LCA5: variants seen among roughly 807,000 people sequenced by gnomAD.
LCA5 encodes the protein lebercilin.
Under a neutral mutation model 53.0 loss-of-function variants are expected in LCA5, and 37 were observed. That is an observed-to-expected ratio of 0.70 (90% CI 0.54 to 0.92). The LOEUF (loss-of-function observed/expected upper bound fraction) is 0.92. LCA5 is among the 40% of genes least tolerant of loss of function. The pLI is 0.00. For missense variants in LCA5, 806 were observed against 790.5 expected (o/e 1.02, Z -0.23); for synonymous variants, 303 against 282.9 (o/e 1.07, Z -0.71).
intron 3 of LCA5, among the ~76,000 whole-genome samples, chr6:79,510,445 T>C (rs1195227277): frequency 6.6e-6 from 1 of 152,206 alleles, no homozygotes; most frequent in Non-Finnish European, 1.5e-5. Context: ...AATCAATTTT[T>C]ATTTGTCAAT....
At chr6:79,517,219 C>T (rs542470306) in intron 2 of LCA5, among the ~76,000 whole-genome samples, 4 of 152,032 alleles carry the variant, frequency 2.6e-5, no homozygotes, top group South Asian at 2.1e-4. Flanking sequence ...AAACAGAAAA[C>T]GGTACAAGTC....
At chr6:79,525,897 A>AT (rs1355451029) in intron 1 of LCA5, among the ~76,000 whole-genome samples, 1 of 152,222 alleles carries the variant, frequency 6.6e-6, no homozygotes, top group African/African-American at 2.4e-5. Context: ...TAAACCTTTA[A>AT]TAAAAGAACT....
chr6:79,504,533 T>C (rs1197208390), intron 3 of LCA5, among the ~76,000 whole-genome samples: 1 of 152,190 alleles, frequency 6.6e-6, no homozygotes, highest in Admixed American at 6.5e-5. Flanking sequence ...TCTGCACTAC[T>C]TGAACATAGT....
At chr6:79,503,155 T>C (rs1770187652) in intron 3 of LCA5, among the ~76,000 whole-genome samples, 1 of 152,184 alleles carries the variant, frequency 6.6e-6, no homozygotes, top group Non-Finnish European at 1.5e-5. Flanking sequence ...GTTCTGAAAT[T>C]ATAGGCATGA....
chr6:79,489,171 G>A lies in LCA5; in HGVS notation c.1144C>T (p.Leu382=). 1.2e-6 allele frequency: 2 copies of A among 1,612,608 alleles called. No individual in the cohort carries two copies. Among genetic ancestry groups the A allele is most frequent in the Non-Finnish European group, 1.7e-6 (2 of 1,179,646 alleles). The change falls in exon 7 of 8, where the codon CTA becomes TTA. Residue 382 remains leucine (L), a synonymous_variant. Transcript: ENST00000369846. ...TCTTCTCTTTCCATAATTGGGTTTA[G>A]AATCCCTGCTTCTCCATGCCTGTCT... ...KQDRHGEAGI[L]NPIMEREEKF...
intron 1 of LCA5, among the ~76,000 whole-genome samples, chr6:79,521,836 T>C (rs1202981190): frequency 1.3e-5 from 2 of 152,078 alleles, no homozygotes; most frequent in Non-Finnish European, 2.9e-5. Context: ...AATCTAAGAA[T>C]ATAGCAACCT....
At chr6:79,525,284 A>G (rs1766749146) in intron 1 of LCA5, 1 of 152,210 alleles carries the variant, frequency 6.6e-6, no homozygotes, top group Non-Finnish European at 1.5e-5. Flanking sequence ...AAAAAAAAGA[A>G]AAGAGAAGGA....
At chr6:79,514,440 T>G (rs1461652531) in intron 2 of LCA5, among the ~76,000 whole-genome samples, 1 of 152,146 alleles carries the variant, frequency 6.6e-6, no homozygotes, top group Non-Finnish European at 1.5e-5. Context: ...TCAACCACTG[T>G]GAAAGACAGT....
chr6:79,514,000 G>A (rs1313374169), intron 2 of LCA5, among the ~76,000 whole-genome samples: 1 of 152,134 alleles, frequency 6.6e-6, no homozygotes, highest in African/African-American at 2.4e-5. Context: ...AAAGACAGCA[G>A]TATCAGGCTT....
chr6:79,504,060 A>G (rs189061538), intron 3 of LCA5, among the ~76,000 whole-genome samples: 48 of 152,296 alleles, frequency 3.2e-4, no homozygotes, highest in African/African-American at 1.1e-3. Flanking sequence ...CTGGAATGAT[A>G]ATAACCACAA....
chr6:79,491,994 G>A (rs1053370068), intron 5 of LCA5, among the ~76,000 whole-genome samples: 2 of 151,804 alleles, frequency 1.3e-5, no homozygotes, highest in African/African-American at 4.8e-5. Context: ...ATGATTTGGG[G>A]AGAATTCTGA....
chr6:79,509,062 C>G (rs1258059519), intron 3 of LCA5, among the ~76,000 whole-genome samples: 2 of 152,116 alleles, frequency 1.3e-5, no homozygotes, highest in African/African-American at 4.8e-5. Context: ...AGAACAATTA[C>G]CCTCAGGTGG....
chr6:79,518,785 G>T lies in LCA5; in HGVS notation c.110C>A (p.Ser37Ter). 2 of 1,614,132 alleles carry T rather than the reference G, an allele frequency of 1.2e-6. No individual in the cohort carries two copies. Among genetic ancestry groups the T allele is most frequent in the Non-Finnish European group, 1.7e-6 (2 of 1,180,026 alleles). The change falls in exon 2 of 8, where the codon TCG becomes TAG. Residue 37 changes from serine (S) to a stop codon, truncating the protein, a stop_gained. Coordinates refer to ENST00000369846, the MANE Select transcript of LCA5 (RefSeq NM_001122769.3). LOFTEE classifies it high-confidence loss of function. ...ACTTGCAGGTGAAGAACTGACCAGC[G>T]ATGATCGGCCAGAAGACTGTGGCGT... is the stretch of plus-strand genomic sequence containing the variant. ...FETPQSSGRSSLVSSSPASVR... is the reference protein window; with the variant it reads ...FETPQSSGRS
chr6:79,532,422 G>A (rs1386399387), intron 1 of LCA5, among the ~76,000 whole-genome samples: 1 of 152,084 alleles, frequency 6.6e-6, no homozygotes, highest in African/African-American at 2.4e-5. Context: ...ATACTTCAAT[G>A]GTCTCCTATG....
At chr6:79,508,697 G>T (rs1770333122) in intron 3 of LCA5, among the ~76,000 whole-genome samples, 1 of 150,688 alleles carries the variant, frequency 6.6e-6, no homozygotes, top group African/African-American at 2.4e-5. Flanking sequence ...TAATGATAAC[G>T]AAGATCTTTA....
intron 3 of LCA5, among the ~76,000 whole-genome samples, chr6:79,501,822 C>T (rs1203576305): frequency 6.6e-6 from 1 of 150,682 alleles, no homozygotes; most frequent in Non-Finnish European, 1.5e-5. Flanking sequence ...CTATAGTTCT[C>T]TATGTATAAT....
At position 79,487,736 on chromosome 6, in the gene LCA5, C is replaced by T; in HGVS notation, c.1362G>A (p.Leu454=). Reference sequence around the variant, plus strand: ...TCAGTCTTTCTTCTTCCTCTCCTTGCAATTTATCCATATTCTGAATTGGAT... The same window carrying T: ...TCAGTCTTTCTTCTTCCTCTCCTTGTAATTTATCCATATTCTGAATTGGAT... ...GMYPIQNMDK[L]QGEEEERLKR... Residue 454 remains leucine (L), a synonymous_variant, in exon 8 of 8, where the codon TTG becomes TTA. Transcript: ENST00000369846. The T allele has an allele frequency of 6.2e-7, 1 of 1,613,932 alleles. No individual in the cohort carries two copies. Among genetic ancestry groups the T allele is most frequent in the African/African-American group, 1.3e-5 (1 of 75,032 alleles).
intron 2 of LCA5, among the ~76,000 whole-genome samples, chr6:79,518,318 C>T (rs1766504653): frequency 6.6e-6 from 1 of 152,022 alleles, no homozygotes; most frequent in Admixed American, 6.6e-5. Context: ...ATTAAAAAGT[C>T]CCTTAACCAC....
intron 3 of LCA5, among the ~76,000 whole-genome samples, chr6:79,509,039 G>T (rs1770340951): frequency 1.3e-5 from 2 of 152,138 alleles, no homozygotes; most frequent in African/African-American, 2.4e-5. Flanking sequence ...TGAAAAAGTA[G>T]GTTAAAAAGT....
Sources: allele counts gnomAD v4.1 joint callset (sites outside exome capture counted in the v4.1 genomes callset), GRCh38; gene constraint gnomAD v4.1.1; transcripts MANE v1.5; gene names NCBI Gene and HGNC (gene_info 2026-07-23, HGNC 2026-07-21).